The following NUFIP2 variants were observed in gnomAD, a reference collection of about 807,000 sequenced individuals.
The protein encoded by NUFIP2 is FMR1-interacting protein NUFIP2.
A neutral mutation model predicts 56.9 loss-of-function variants in NUFIP2; 6 were observed. That is an observed-to-expected ratio of 0.11 (90% CI 0.06 to 0.21). NUFIP2 has a LOEUF of 0.21. NUFIP2 is among the 10% of genes least tolerant of loss of function. The pLI is 1.00. For synonymous variants in NUFIP2, 321 were observed against 298.2 expected, an observed-to-expected ratio of 1.08 and a Z score of -0.79; for missense variants, 828 against 826.8, an observed-to-expected ratio of 1.00 and a Z score of -0.02.
intron 1 of NUFIP2, among the ~76,000 whole-genome samples, chr17:29,292,997 A>C (rs1176796913): frequency 2.7e-5 from 4 of 148,992 alleles, no homozygotes; most frequent in Non-Finnish European, 5.9e-5. Flanking sequence ...GTGGCCCTCG[A>C]CACCCTTCCC....
In NUFIP2 at chr17:29,259,847, T is replaced by A. The variant is rs1417446998; in HGVS notation, c.*4692A>T. ...CTATTGCTGGCATCCTTTAACTACT[T>A]TAAGACCTTTCTTGAGCGGCAAAAC... is the stretch of plus-strand genomic sequence containing the variant. On this transcript the variant is annotated 3_prime_UTR_variant, in exon 4 of 4. Coordinates refer to ENST00000225388, the MANE Select transcript of NUFIP2 (RefSeq NM_020772.3). The A allele has an allele frequency of 6.6e-6, 1 of 152,160 alleles. No individual in the cohort carries two copies. Among genetic ancestry groups the A allele is most frequent in the Non-Finnish European group, 1.5e-5 (1 of 68,028 alleles). 9.4% of individuals were successfully genotyped at this position (152,160 alleles called of 1,614,324 possible). A position where few individuals can be genotyped will look rare whatever the true frequency, so the allele number is the denominator to read the frequency against.
intron 2 of NUFIP2, among the ~76,000 whole-genome samples, chr17:29,270,100 TTAATA>T (rs754579381): frequency 6.6e-6 from 1 of 152,146 alleles, no homozygotes; most frequent in Non-Finnish European, 1.5e-5. Flanking sequence ...CTGGGATCAA[TTAATA>T]ATTCAGGATG....
At chr17:29,293,656 C>G (rs915454829) in intron 1 of NUFIP2, 127 bp downstream of exon 1, 4 of 1,033,060 alleles carry the variant, frequency 3.9e-6, no homozygotes, top group African/African-American at 3.2e-5. Context: ...AGGGGCATCC[C>G]CAGAGCCGGA....
intron 2 of NUFIP2, among the ~76,000 whole-genome samples, chr17:29,281,706 A>C (rs1364997843): frequency 6.7e-6 from 1 of 150,180 alleles, no homozygotes; most frequent in Admixed American, 6.6e-5. Context: ...AAAAAAAAAA[A>C]AAACAGCTAA....
chr17:29,271,604 G>A (rs1449999538), intron 2 of NUFIP2, among the ~76,000 whole-genome samples: 2 of 151,730 alleles, frequency 1.3e-5, no homozygotes, highest in South Asian at 4.2e-4. Context: ...AGAAGTGAAT[G>A]CAATTTCCCT....
chr17:29,274,926 G>A (rs763926665), intron 2 of NUFIP2, among the ~76,000 whole-genome samples: 1 of 152,010 alleles, frequency 6.6e-6, no homozygotes, highest in African/African-American at 2.4e-5. Context: ...AATTCACTAA[G>A]AGCAAGAAAG....
intron 2 of NUFIP2, among the ~76,000 whole-genome samples, chr17:29,270,324 G>GGAA (rs1283052873): frequency 9.8e-5 from 8 of 81,410 alleles, no homozygotes; most frequent in East Asian, 3.4e-4. Flanking sequence ...CTAACCTGGA[G>GGAA]AAAAAAAAAA....
rs764774560 is a variant in NUFIP2, at chr17:29,259,155, G to C, written c.*5384C>G. On this transcript the variant is annotated 3_prime_UTR_variant, in exon 4 of 4. Transcript: ENST00000225388. ...TTTGATTAGCACCTGAGGAAAAAAG[G>C]GTACATGGAAAGCTATGTAATTTGC... The C allele has an allele frequency of 1.3e-5, 2 of 152,162 alleles. No homozygotes were observed. The highest frequency in any genetic ancestry group is 6.5e-5 in the Admixed American group (1 of 15,284). 9.4% of individuals were successfully genotyped at this position (152,162 alleles called of 1,614,324 possible).
intron 2 of NUFIP2, among the ~76,000 whole-genome samples, chr17:29,279,461 T>C (rs1598433200): frequency 6.6e-6 from 1 of 152,264 alleles, no homozygotes; most frequent in East Asian, 1.9e-4. Context: ...AACAGAAAAA[T>C]GGCTTCCAGT....
chr17:29,266,078 C>G (rs2069034417), intron 3 of NUFIP2, among the ~76,000 whole-genome samples: 2 of 152,184 alleles, frequency 1.3e-5, no homozygotes, highest in South Asian at 4.1e-4. Context: ...TCAAGCGATT[C>G]TCCTGGCTCA....
At chr17:29,273,463 C>T (rs1466434377) in intron 2 of NUFIP2, among the ~76,000 whole-genome samples, 9 of 152,128 alleles carry the variant, frequency 5.9e-5, no homozygotes, top group African/African-American at 1.9e-4. Flanking sequence ...TGAGCCATCA[C>T]GCCCAGCCTT....
In NUFIP2 at chr17:29,260,291, T is replaced by C. The variant is rs1294043157; in HGVS notation, c.*4248A>G. 6.6e-6 allele frequency: 1 copy of C among 152,190 alleles called. No homozygotes were observed. Among genetic ancestry groups the C allele is most frequent in the African/African-American group, 2.4e-5 (1 of 41,450 alleles). 9.4% of individuals were successfully genotyped at this position (152,190 alleles called of 1,614,324 possible). A position where few individuals can be genotyped will look rare whatever the true frequency, so the allele number is the denominator to read the frequency against. Reference sequence around the variant, plus strand: ...CTGCCCTATCAGACTCTACCTTGACTGGTGTGGCATCAACCAATCTGACCA... The same window carrying C: ...CTGCCCTATCAGACTCTACCTTGACCGGTGTGGCATCAACCAATCTGACCA... On this transcript the variant is annotated 3_prime_UTR_variant, in exon 4 of 4. Transcript: ENST00000225388.
At chr17:29,273,686 T>C (rs1402302217) in intron 2 of NUFIP2, among the ~76,000 whole-genome samples, 1 of 152,174 alleles carries the variant, frequency 6.6e-6, no homozygotes, top group Non-Finnish European at 1.5e-5. Context: ...CAATTAGACC[T>C]AATAGAACCT....
At chr17:29,280,568 C>A (rs2069133767) in intron 2 of NUFIP2, among the ~76,000 whole-genome samples, 2 of 152,032 alleles carry the variant, frequency 1.3e-5, no homozygotes, top group Non-Finnish European at 2.9e-5. Context: ...AACCTATGGT[C>A]CCAGCTACAC....
Position 29,286,511 on chromosome 17 carries a change from C to T in NUFIP2, c.1483G>A (p.Asp495Asn). 1 of 1,614,122 alleles carries T rather than the reference C, an allele frequency of 6.2e-7. No individual in the cohort carries two copies. Among genetic ancestry groups the T allele is most frequent in the Non-Finnish European group, 8.5e-7 (1 of 1,180,030 alleles). Residue 495 changes from aspartate (D) to asparagine (N), a missense_variant, in exon 2 of 4, where the codon GAT (aspartate) becomes AAT (asparagine). Asp to Asn is a conservative substitution (Grantham distance 23, BLOSUM62 1). This residue lies in a region of NUFIP2 where 404 missense variants were observed against 380.3 expected (regional missense o/e 1.06). Transcript: ENST00000225388. Reference protein sequence around the residue: ...TAQVDLPSQTDQQNLGDIFQN... With the variant: ...TAQVDLPSQTNQQNLGDIFQN... The stretch of plus-strand genomic sequence containing the variant: ...AAGATATCCCCCAGGTTTTGCTGAT[C>T]TGTCTGAGAGGGCAGATCCACTTGT...
intron 2 of NUFIP2, among the ~76,000 whole-genome samples, chr17:29,273,899 C>G (rs1421616186): frequency 6.6e-6 from 1 of 151,890 alleles, no homozygotes; most frequent in Admixed American, 6.6e-5. Context: ...CTTCCTATAG[C>G]GAAATGTCCA....
chr17:29,260,329 T>C lies in NUFIP2; in HGVS notation c.*4210A>G, dbSNP rs1013695110. The C allele has an allele frequency of 1.3e-5, 2 of 152,238 alleles. No homozygotes were observed. Among genetic ancestry groups the C allele is most frequent in the Non-Finnish European group, 2.9e-5 (2 of 68,052 alleles). The allele number at this position is 152,238 out of a possible 1,614,324, so 9.4% of individuals were successfully genotyped here. A position where few individuals can be genotyped will look rare whatever the true frequency, so the allele number is the denominator to read the frequency against. On this transcript the variant is annotated 3_prime_UTR_variant, in exon 4 of 4. Transcript: ENST00000225388. Reference sequence around the variant, plus strand: ...ACCAATCTGACCATAATGACCATTATATTTGTCCCATAACATAACTGTTCT... The same window carrying C: ...ACCAATCTGACCATAATGACCATTACATTTGTCCCATAACATAACTGTTCT...
At position 29,264,550 on chromosome 17, in the gene NUFIP2, G is replaced by A; in HGVS notation, c.2077C>T (p.Pro693Ser). 1 of 1,608,202 alleles carries A rather than the reference G, an allele frequency of 6.2e-7. No homozygotes were observed. Among genetic ancestry groups the A allele is most frequent in the South Asian group, 1.1e-5 (1 of 90,940 alleles). The change falls in exon 4 of 4, where the codon CCA (proline) becomes TCA (serine). Residue 693 changes from proline (P) to serine (S), a missense_variant. Transcript: ENST00000225388. Reference protein sequence around the residue: ...IITYNEAMDSPDQ With the variant: ...IITYNEAMDSSDQ ...GGCAGTCTGGTCCTTCATTGATCTGGACTATCCATGGCTTCATTGTAAGTG... is the reference window on the plus strand; with the variant it reads ...GGCAGTCTGGTCCTTCATTGATCTGAACTATCCATGGCTTCATTGTAAGTG...
intron 1 of NUFIP2, among the ~76,000 whole-genome samples, chr17:29,293,488 G>T (rs183840757): frequency 2.2e-3 from 332 of 152,200 alleles, no homozygotes; most frequent in Non-Finnish European, 3.5e-3. Context: ...AATGGGAAAA[G>T]AATAATGAGG....
Sources: allele counts gnomAD v4.1 joint callset (sites outside exome capture counted in the v4.1 genomes callset), GRCh38; gene constraint gnomAD v4.1.1; regional missense constraint gnomAD v4.1.1; transcripts MANE v1.5; gene names NCBI Gene and HGNC (gene_info 2026-07-23, HGNC 2026-07-21).